Variants in ADPGK observed in about 807,000 individuals in gnomAD.
ADPGK encodes ADP dependent glucokinase.
A neutral mutation model predicts 42.4 loss-of-function variants in ADPGK; 26 were observed. That is an observed-to-expected ratio of 0.61 (90% CI 0.45 to 0.85). The LOEUF (loss-of-function observed/expected upper bound fraction) is 0.85, where lower values mean the gene tolerates loss of function less well. Ranked by LOEUF, ADPGK falls within the 40% of genes least tolerant of loss-of-function variation. The pLI, the probability that ADPGK is intolerant of heterozygous loss-of-function variation, is 0.00. For missense variants in ADPGK, 571 were observed against 627.0 expected (o/e 0.91, Z 0.95); for synonymous variants, 267 against 252.6 (o/e 1.06, Z -0.54).
Position 72,774,760 on chromosome 15 carries a change from T to C in ADPGK, c.459+112A>G, listed in dbSNP as rs545118071. On this transcript the variant is annotated intron_variant, in intron 2 of 6. Transcript: ENST00000456471. ...CCACAGTTTTCAACCAGGGGTGATTTTGCTCCCCTCCTCTTCAAACTGGAA... is the reference window on the plus strand; with the variant it reads ...CCACAGTTTTCAACCAGGGGTGATTCTGCTCCCCTCCTCTTCAAACTGGAA... 90 of 886,510 alleles carry C rather than the reference T, an allele frequency of 1.0e-4. No homozygotes were observed. The African/African-American group carries it at 1.4e-3, about 14-fold the overall frequency. 54.9% of individuals were successfully genotyped at this position (886,510 alleles called of 1,614,324 possible). A position where few individuals can be genotyped will look rare whatever the true frequency, so the allele number is the denominator to read the frequency against.
rs574185910 is a variant in ADPGK at position 72,774,187 on chromosome 15, C to T, written c.459+685G>A. 3.9e-5 allele frequency among the ~76,000 whole-genome samples: 6 copies of T among 152,282 alleles called. No homozygotes were observed. In the South Asian group the frequency reaches 8.3e-4, roughly 21 times the overall value. On this transcript the variant is annotated intron_variant, in intron 2 of 6. Transcript: ENST00000456471. ...AATAAAAGTAGTCACAAAGGTTTGC[C>T]TGTGAAAGGTGCCAATTAAAAATGG...
rs372813312 is a variant in ADPGK at position 72,760,476 on chromosome 15, T to C, written c.574A>G (p.Asn192Asp). The change falls in exon 4 of 7, where the codon AAT becomes GAT. Residue 192 changes from asparagine to aspartate, a missense_variant. Physicochemically the swap from Asn to Asp is conservative, Grantham distance 23 (BLOSUM62 1). Around this residue, in one of 2 missense-constraint regions of ADPGK, gnomAD observed 434 missense variants for 522.7 expected, o/e 0.83. Transcript: ENST00000456471. The stretch of plus-strand genomic sequence containing the variant: ...AATGACTCTGGTGGAACAAAGACAT[T>C]GTCATCAAGAAGCTCATGTAGCTTT... ...GPKLHELLDD[N>D]VFVPPESLQE... 1.9e-5 allele frequency: 30 copies of C among 1,610,408 alleles called. No individual in the cohort carries two copies. The highest frequency in any genetic ancestry group is 2.5e-5 in the Non-Finnish European group (29 of 1,177,134).
intron 6 of ADPGK, among the ~76,000 whole-genome samples, chr15:72,753,916 G>T (rs1489039967): frequency 1.3e-5 from 2 of 152,086 alleles, no homozygotes; most frequent in East Asian, 1.9e-4. Context: ...ATGGACTTTG[G>T]GTGCTGATGA....
intron 3 of ADPGK, among the ~76,000 whole-genome samples, chr15:72,766,574 T>A (rs765766333): frequency 6.6e-6 from 1 of 152,154 alleles, no homozygotes; most frequent in African/African-American, 2.4e-5. Context: ...TCAGACATAA[T>A]GGTACTGCAC....
chr15:72,782,444 G>C (rs1719379387), intron 1 of ADPGK, among the ~76,000 whole-genome samples: 1 of 147,218 alleles, frequency 6.8e-6, no homozygotes. Context: ...AGGATCTCTT[G>C]AGCTCGGGAG....
At chr15:72,759,574 C>A (rs2066166130) in intron 4 of ADPGK, among the ~76,000 whole-genome samples, 1 of 152,166 alleles carries the variant, frequency 6.6e-6, no homozygotes. Flanking sequence ...GTTAATTACT[C>A]TAGTAGAGAA....
chr15:72,782,425 T>G (rs1249117800), intron 1 of ADPGK, among the ~76,000 whole-genome samples: 1 of 144,488 alleles, frequency 6.9e-6, no homozygotes, highest in Non-Finnish European at 1.5e-5. Flanking sequence ...CTCCAGAGGC[T>G]GAGGCAGAAG....
intron 1 of ADPGK, among the ~76,000 whole-genome samples, chr15:72,782,089 T>G (rs2066465480): frequency 6.6e-6 from 1 of 152,240 alleles, no homozygotes; most frequent in South Asian, 2.1e-4. Flanking sequence ...TGTGGTATTC[T>G]GTTCTAGCAG....
At chr15:72,771,910 T>C in intron 2 of ADPGK, 65 bp from the exon 3 acceptor site, 2 of 1,303,602 alleles carry the variant, frequency 1.5e-6, no homozygotes, top group Non-Finnish European at 2.1e-6. Context: ...AGTTTAATCA[T>C]TTTTTATTTT....
In ADPGK at chr15:72,776,678, T is replaced by C. The variant is rs1481635001; in HGVS notation, c.234-1581A>G. ...AGGTTTGTATGCAGACTAGATATTATTTACATCACTTAAGGAAGATTTACA... is the reference window on the plus strand; with the variant it reads ...AGGTTTGTATGCAGACTAGATATTACTTACATCACTTAAGGAAGATTTACA... On this transcript the variant is annotated intron_variant, in intron 1 of 6. Coordinates refer to ENST00000456471, the MANE Select transcript of ADPGK (RefSeq NM_001365225.1). Among the ~76,000 whole-genome samples, 6 of 152,184 alleles carry C rather than the reference T, an allele frequency of 3.9e-5. No individual in the cohort carries two copies. The East Asian group carries it at 1.2e-3, about 29-fold the overall frequency.
At chr15:72,783,367 G>A (rs899734706) in intron 1 of ADPGK, 92 bp downstream of exon 1, 17 of 1,297,724 alleles carry the variant, frequency 1.3e-5, no homozygotes, top group Non-Finnish European at 2.0e-6. Flanking sequence ...CGCCTCCCGG[G>A]GACCTCTGAG....
intron 3 of ADPGK, among the ~76,000 whole-genome samples, chr15:72,761,166 G>A (rs547519719): frequency 6.6e-6 from 1 of 152,276 alleles, no homozygotes; most frequent in South Asian, 2.1e-4. Flanking sequence ...TCTGTTGCTT[G>A]AGCCCCCAAG....
intron 3 of ADPGK, 30 bp from the exon 4 acceptor site, chr15:72,760,557 G>A (rs767918106): frequency 2.1e-5 from 33 of 1,584,774 alleles, no homozygotes; most frequent in Non-Finnish European, 2.0e-5. Flanking sequence ...AGTCCATCAG[G>A]AGCCCCGTTC....
In ADPGK at chr15:72,783,691, TG is replaced by T; in HGVS notation, c.-1del. 1.4e-6 allele frequency: 2 copies of T among 1,478,034 alleles called. No individual in the cohort carries two copies. Among genetic ancestry groups the T allele is most frequent in the Admixed American group, 2.4e-5 (1 of 42,388 alleles). The allele number at this position is 1,478,034 out of a possible 1,614,324, so 91.6% of individuals were successfully genotyped here. On this transcript the variant is annotated 5_prime_UTR_variant, in exon 1 of 7. Transcript: ENST00000456471. ...TACGCGGAGCCGCGCCACAGCGCCA[TG>T]GGGACCCAGGCGCCGCACCTGCGCG...
intron 3 of ADPGK, among the ~76,000 whole-genome samples, chr15:72,764,977 T>C (rs2066239883): frequency 6.9e-6 from 1 of 145,420 alleles, no homozygotes; most frequent in Non-Finnish European, 1.5e-5. Context: ...TTAAGCCCAC[T>C]GTTCAGAACT....
intron 4 of ADPGK, chr15:72,757,785 A>C: frequency 3.5e-6 from 1 of 283,994 alleles, no homozygotes. Context: ...TTCTCCAGAG[A>C]GCAAGACGTG....
chr15:72,756,802 G>A (rs767006575), intron 4 of ADPGK: 2 of 274,364 alleles, frequency 7.3e-6, no homozygotes, highest in Non-Finnish European at 1.4e-5. Flanking sequence ...TGTGCAGCAC[G>A]CACGCCCTGC....
At chr15:72,765,053 G>A (rs934023949) in intron 3 of ADPGK, among the ~76,000 whole-genome samples, 5 of 151,002 alleles carry the variant, frequency 3.3e-5, no homozygotes, top group Admixed American at 6.6e-5. Context: ...ATACCTAGTC[G>A]CCCAAGAGCT....
intron 3 of ADPGK, among the ~76,000 whole-genome samples, chr15:72,768,196 C>T (rs961560209): frequency 6.6e-6 from 1 of 151,068 alleles, no homozygotes; most frequent in Non-Finnish European, 1.5e-5. Context: ...AAGATACAAA[C>T]TACTAAAGCT....
Sources: allele counts gnomAD v4.1 joint callset (sites outside exome capture counted in the v4.1 genomes callset), GRCh38; gene constraint gnomAD v4.1.1; regional missense constraint gnomAD v4.1.1; transcripts MANE v1.5; gene names NCBI Gene and HGNC (gene_info 2026-07-23, HGNC 2026-07-21).